The following MDH1 variants were observed in gnomAD, a reference collection of about 807,000 sequenced individuals.
MDH1 encodes malate dehydrogenase 1, also known as malate dehydrogenase, cytoplasmic.
A neutral mutation model predicts 38.7 loss-of-function variants in MDH1; 15 were observed. That is an observed-to-expected ratio of 0.39 (90% CI 0.26 to 0.60). The LOEUF (loss-of-function observed/expected upper bound fraction) is 0.60. Among genes scored for constraint, MDH1 ranks in the 20% least tolerant of loss-of-function variants. MDH1 has a pLI of 0.56. For synonymous variants in MDH1, 144 were observed against 143.6 expected (o/e 1.00, Z -0.02); for missense variants, 368 against 405.2 (o/e 0.91, Z 0.79).
intron 4 of MDH1, chr2:63,597,875 G>A (rs941765059): frequency 1.6e-5 from 3 of 183,230 alleles, no homozygotes; most frequent in African/African-American, 7.0e-5. Flanking sequence ...TGCTGCGTGG[G>A]AATATTTATT....
chr2:63,590,263 A>G (rs1300569878), intron 1 of MDH1: 1 of 152,204 alleles, frequency 6.6e-6, no homozygotes, highest in Admixed American at 6.5e-5. Context: ...ATCTTGACGA[A>G]TCTCCCCACT....
intron 5 of MDH1, among the ~76,000 whole-genome samples, chr2:63,600,604 C>A (rs887090115): frequency 4.6e-5 from 7 of 152,166 alleles, no homozygotes; most frequent in African/African-American, 1.4e-4. Context: ...ATAGTAAATA[C>A]AAGAAAGGTT....
intron 1 of MDH1, chr2:63,593,333 A>C: frequency 3.5e-6 from 1 of 286,590 alleles, no homozygotes; most frequent in South Asian, 3.6e-5. Context: ...ACCTCAGGTG[A>C]TCCGCCTGCC....
chr2:63,602,108 G>A (rs72806052), intron 5 of MDH1, among the ~76,000 whole-genome samples: 29 of 152,288 alleles, frequency 1.9e-4, no homozygotes, highest in Non-Finnish European at 3.7e-4. Context: ...AAGACTTGCA[G>A]GGATTAGATC....
At chr2:63,592,367 T>C (rs116616225) in intron 1 of MDH1, among the ~76,000 whole-genome samples, 9 of 152,338 alleles carry the variant, frequency 5.9e-5, no homozygotes, top group African/African-American at 1.9e-4. Flanking sequence ...AAGTTTTTGT[T>C]TGAGACAGGA....
chr2:63,589,332 G>T (rs1260314028), intron 1 of MDH1: 2 of 1,550,654 alleles, frequency 1.3e-6, no homozygotes, highest in Non-Finnish European at 1.7e-6. Flanking sequence ...GACAAAATGC[G>T]ACGCTGCAGC....
chr2:63,589,178 T>C, intron 1 of MDH1, 132 bp downstream of exon 1: 1 of 1,608,532 alleles, frequency 6.2e-7, no homozygotes, highest in Non-Finnish European at 8.5e-7. Flanking sequence ...AAGCTCGGAC[T>C]CATCTTCTGG....
intron 5 of MDH1, among the ~76,000 whole-genome samples, chr2:63,600,812 T>G (rs1709404661): frequency 6.6e-6 from 1 of 152,218 alleles, no homozygotes; most frequent in African/African-American, 2.4e-5. Context: ...GCAGTTTGAG[T>G]TCTGTGGGAC....
chr2:63,594,716 T>G (rs372320261), intron 2 of MDH1, 130 bp downstream of exon 2: 6 of 661,534 alleles, frequency 9.1e-6, no homozygotes, highest in Non-Finnish European at 1.6e-5. Context: ...AATAGGCACA[T>G]TGCTATAAAT....
At chr2:63,603,001 C>T (rs1186368721) in intron 5 of MDH1, among the ~76,000 whole-genome samples, 1 of 121,556 alleles carries the variant, frequency 8.2e-6, no homozygotes, top group Non-Finnish European at 1.7e-5. Flanking sequence ...GCCCTGTCGC[C>T]TAGGCTGGAG....
chr2:63,590,367 C>A (rs1238325137), intron 1 of MDH1: 1 of 152,144 alleles, frequency 6.6e-6, no homozygotes, highest in African/African-American at 2.4e-5. Context: ...TTGTGTCTTA[C>A]ACTTACCAAG....
intron 5 of MDH1, among the ~76,000 whole-genome samples, chr2:63,600,320 C>G (rs1276482444): frequency 1.3e-5 from 2 of 152,110 alleles, no homozygotes; most frequent in Non-Finnish European, 2.9e-5. Flanking sequence ...CATATTATCC[C>G]TGCATTAGGT....
chr2:63,597,200 AAAAT>A (rs1378840559), intron 3 of MDH1, 195 bp from the exon 4 acceptor site: 2 of 852,402 alleles, frequency 2.3e-6, no homozygotes, highest in African/African-American at 1.8e-5. Context: ...CAGGAAAAGC[AAAAT>A]AAATCTATTG....
At chr2:63,596,463 G>T (rs1709313429) in intron 3 of MDH1, among the ~76,000 whole-genome samples, 1 of 152,096 alleles carries the variant, frequency 6.6e-6, no homozygotes. Context: ...TTTCCCATTT[G>T]TATTCCTTTC....
intron 1 of MDH1, chr2:63,590,835 C>A (rs1709184949): frequency 6.6e-6 from 1 of 152,136 alleles, no homozygotes; most frequent in Admixed American, 6.5e-5. Flanking sequence ...TTTCCCTGCC[C>A]CCTCAGGAGG....
chr2:63,603,512 C>A (rs1354716259), intron 5 of MDH1, among the ~76,000 whole-genome samples: 2 of 152,150 alleles, frequency 1.3e-5, no homozygotes, highest in Non-Finnish European at 1.5e-5. Context: ...TATTTTTCCA[C>A]ATTCCCTTCT....
At chr2:63,606,770 G>T in intron 8 of MDH1, 92 bp from the exon 9 acceptor site, 2 of 852,882 alleles carry the variant, frequency 2.3e-6, no homozygotes, top group Non-Finnish European at 1.7e-6. Flanking sequence ...ACTTTAAAAC[G>T]ATATACCTCT....
chr2:63,599,032 T>C (rs1399191496), intron 4 of MDH1, 138 bp from the exon 5 acceptor site: 8 of 613,838 alleles, frequency 1.3e-5, no homozygotes, highest in Non-Finnish European at 2.0e-5. Flanking sequence ...TGCATTTTCC[T>C]ATGCTATATT....
rs1295400740 is a variant in MDH1, at chr2:63,605,322, C to T, written c.718C>T (p.Leu240=). Reference sequence around the variant, plus strand: ...CGCTGCTGTCATCAAGGCTCGAAAACTATCCAGTGCCATGTCTGCTGCAAA... The same window carrying T: ...CGCTGCTGTCATCAAGGCTCGAAAATTATCCAGTGCCATGTCTGCTGCAAA... The part of the protein sequence containing the change: ...RGAAVIKARK[L]SSAMSAAKAI... The change falls in exon 7 of 9, where the codon CTA becomes TTA. Residue 240 remains leucine, a synonymous_variant. Coordinates refer to ENST00000233114, the MANE Select transcript of MDH1 (RefSeq NM_005917.4). 2 of 1,614,236 alleles carry T rather than the reference C, an allele frequency of 1.2e-6. No individual in the cohort carries two copies. Among genetic ancestry groups the T allele is most frequent in the South Asian group, 2.2e-5 (2 of 91,088 alleles).
Sources: gnomAD v4.1 joint callset for allele counts (sites outside exome capture counted in the v4.1 genomes callset) on GRCh38, gnomAD v4.1.1 for gene constraint, MANE v1.5 for transcripts, NCBI Gene and HGNC (gene_info 2026-07-23, HGNC 2026-07-21) for gene names.